The following PLA2G4A variants were observed in gnomAD, a reference collection of about 807,000 sequenced individuals.
PLA2G4A encodes the protein phospholipase A2 group IVA.
A neutral mutation model predicts 81.9 loss-of-function variants in PLA2G4A; 40 were observed. The observed-to-expected ratio is 0.49, with a 90% CI of 0.38 to 0.64. The LOEUF is 0.64. Among genes scored for constraint, PLA2G4A ranks in the 30% least tolerant of loss-of-function variants. The probability of loss-of-function intolerance (pLI) is 0.00; values close to 1 mark genes in which losing one functional copy is unlikely to be tolerated. For missense variants in PLA2G4A, 715 were observed against 905.1 expected, an observed-to-expected ratio of 0.79 and a Z score of 2.69; for synonymous variants, 302 against 296.9, an observed-to-expected ratio of 1.02 and a Z score of -0.18.
chr1:186,908,519 A>G (rs1335833438), intron 6 of PLA2G4A, among the ~76,000 whole-genome samples: 4 of 151,996 alleles, frequency 2.6e-5, no homozygotes, highest in African/African-American at 9.7e-5. Flanking sequence ...TATCACTGTG[A>G]TTAAATGAGG....
At chr1:186,932,358 C>T (rs796968436) in intron 7 of PLA2G4A, among the ~76,000 whole-genome samples, 31 of 149,888 alleles carry the variant, frequency 2.1e-4, no homozygotes, top group East Asian at 9.9e-4. Flanking sequence ...AGCAATGGCA[C>T]GATCTTGGCT....
chr1:186,875,833 A>T (rs1467196259), intron 3 of PLA2G4A, among the ~76,000 whole-genome samples: 2 of 152,064 alleles, frequency 1.3e-5, no homozygotes, highest in Admixed American at 6.6e-5. Context: ...TCATGGTGTA[A>T]TATGTTTCCA....
rs949719886 is a variant in PLA2G4A, at chr1:186,967,219, A to G, written c.1764+1626A>G. Reference sequence around the variant, plus strand: ...CTCTTAAATATATAGAAAACCTTACATGTTCAAAGTGCTTTCATACTTTAT... The same window carrying G: ...CTCTTAAATATATAGAAAACCTTACGTGTTCAAAGTGCTTTCATACTTTAT... On this transcript the variant is annotated intron_variant, in intron 15 of 17. Coordinates refer to ENST00000367466, the MANE Select transcript of PLA2G4A (RefSeq NM_024420.3). Among the ~76,000 whole-genome samples, 48 of 152,176 alleles carry G rather than the reference A, an allele frequency of 3.2e-4. 2 individuals are homozygous for G.
chr1:186,981,104 A>G (rs1313929169), intron 17 of PLA2G4A, among the ~76,000 whole-genome samples: 1 of 152,186 alleles, frequency 6.6e-6, no homozygotes, highest in South Asian at 2.1e-4. Flanking sequence ...ACCTCATGCT[A>G]CTAAAACAGA....
chr1:186,875,978 A>C (rs1400545691), intron 3 of PLA2G4A, among the ~76,000 whole-genome samples: 1 of 152,144 alleles, frequency 6.6e-6, no homozygotes, highest in Non-Finnish European at 1.5e-5. Context: ...AACGGAATGA[A>C]AAAGTTTTTT....
At chr1:186,834,614 G>A (rs1050545166) in intron 1 of PLA2G4A, among the ~76,000 whole-genome samples, 3 of 152,064 alleles carry the variant, frequency 2.0e-5, no homozygotes, top group South Asian at 2.1e-4. Context: ...ACTGATTGAC[G>A]TAATAGGGGA....
At chr1:186,909,619 C>T (rs1398675162) in intron 6 of PLA2G4A, among the ~76,000 whole-genome samples, 2 of 140,408 alleles carry the variant, frequency 1.4e-5, no homozygotes, top group African/African-American at 5.2e-5. Context: ...GAGATTGTGC[C>T]ATTGCACTCC....
chr1:186,984,744 C>T (rs1571471539), intron 17 of PLA2G4A, among the ~76,000 whole-genome samples: 1 of 152,218 alleles, frequency 6.6e-6, no homozygotes, highest in East Asian at 1.9e-4. Flanking sequence ...TCTTTCTGGT[C>T]TCATTTATTT....
At chr1:186,916,788 T>A (rs1655153321) in intron 7 of PLA2G4A, among the ~76,000 whole-genome samples, 1 of 152,232 alleles carries the variant, frequency 6.6e-6, no homozygotes, top group East Asian at 1.9e-4. Flanking sequence ...ACAGAATAAT[T>A]GTTTTAACTT....
At chr1:186,876,166 C>T (rs1214767437) in intron 3 of PLA2G4A, among the ~76,000 whole-genome samples, 1 of 151,996 alleles carries the variant, frequency 6.6e-6, no homozygotes, top group Admixed American at 6.6e-5. Flanking sequence ...GTGAGGGATG[C>T]ATGTTGAACA....
intron 3 of PLA2G4A, among the ~76,000 whole-genome samples, chr1:186,883,611 A>T (rs1054430553): frequency 1.3e-5 from 2 of 152,160 alleles, no homozygotes; most frequent in African/African-American, 4.8e-5. Context: ...AAGGGACACA[A>T]GAAGAAAGTC....
rs12720567 is a variant in PLA2G4A at position 186,912,368 on chromosome 1, T to C, written c.558+979T>C. Among the ~76,000 whole-genome samples, 451 of 152,270 alleles carry C rather than the reference T, an allele frequency of 3.0e-3. 2 individuals are homozygous for C. The highest frequency in any genetic ancestry group is 4.8e-3 in the Non-Finnish European group (324 of 68,018). On this transcript the variant is annotated intron_variant, in intron 7 of 17. Transcript: ENST00000367466. ...CTCACTGTTGGTGGTCTACATTTTATGGGGTTTGGACAAATGTGTAATGAC... is the reference window on the plus strand; with the variant it reads ...CTCACTGTTGGTGGTCTACATTTTACGGGGTTTGGACAAATGTGTAATGAC...
intron 3 of PLA2G4A, among the ~76,000 whole-genome samples, chr1:186,874,578 T>G (rs1653401893): frequency 6.6e-6 from 1 of 152,130 alleles, no homozygotes. Flanking sequence ...ATTCTTTCCT[T>G]GTCTGGCCCC....
chr1:186,850,782 C>T (rs116791290), intron 1 of PLA2G4A, among the ~76,000 whole-genome samples: 2,198 of 152,094 alleles, frequency 0.014, 67 homozygotes, highest in African/African-American at 0.051. Flanking sequence ...GTCAATAGGG[C>T]CACAAAGTTT....
chr1:186,939,901 G>T, intron 9 of PLA2G4A, 79 bp from the exon 10 acceptor site: 1 of 748,608 alleles, frequency 1.3e-6, no homozygotes, highest in Non-Finnish European at 2.4e-6. Context: ...GATTTTGATT[G>T]GAAGTACTAT....
chr1:186,898,900 A>T (rs1338320435), intron 5 of PLA2G4A, among the ~76,000 whole-genome samples: 2 of 152,184 alleles, frequency 1.3e-5, no homozygotes, highest in African/African-American at 4.8e-5. Context: ...AGAAGAAATT[A>T]TTTATTCATT....
intron 12 of PLA2G4A, among the ~76,000 whole-genome samples, chr1:186,948,317 AGGTAGGT>A (rs886815876): frequency 7.9e-5 from 12 of 152,276 alleles, no homozygotes; most frequent in African/African-American, 2.9e-4. Context: ...TGAGCAAACA[AGGTAGGT>A]GGCACCCATG....
Position 186,950,738 on chromosome 1 carries a change from C to T in PLA2G4A, c.1336+10C>T. On this transcript the variant is annotated intron_variant, in intron 13 of 17. Coordinates refer to ENST00000367466, the MANE Select transcript of PLA2G4A (RefSeq NM_024420.3). ...TCACACGAACCCAAAGGTGAGTGAGCCGGAAACTTTTCTGGCCCAGATCCA... is the reference window on the plus strand; with the variant it reads ...TCACACGAACCCAAAGGTGAGTGAGTCGGAAACTTTTCTGGCCCAGATCCA... 1 of 1,539,786 alleles carries T rather than the reference C, an allele frequency of 6.5e-7. No individual in the cohort carries two copies. The highest frequency in any genetic ancestry group is 9.0e-7 in the Non-Finnish European group (1 of 1,112,606).
Position 186,870,755 on chromosome 1 carries a change from C to T in PLA2G4A, c.115+239C>T, listed in dbSNP as rs560451524. ...CCTTTGGTGACATGCGTAAGAGTGC[C>T]CTTATTTTCTTTGCTGTTAAACGTA... On this transcript the variant is annotated intron_variant, in intron 3 of 17. Coordinates refer to ENST00000367466, the MANE Select transcript of PLA2G4A (RefSeq NM_024420.3). The T allele has an allele frequency of 3.8e-4, 579 of 1,528,934 alleles. 12 individuals are homozygous for T. The East Asian group carries it at 0.013, about 33-fold the overall frequency. 94.7% of individuals were successfully genotyped at this position (1,528,934 alleles called of 1,614,324 possible).
Sources: gnomAD v4.1 joint callset for allele counts (sites outside exome capture counted in the v4.1 genomes callset) on GRCh38, gnomAD v4.1.1 for gene constraint, MANE v1.5 for transcripts, NCBI Gene and HGNC (gene_info 2026-07-23, HGNC 2026-07-21) for gene names.